The following TTC7B variants were observed in gnomAD, a reference collection of about 807,000 sequenced individuals.
TTC7B encodes the protein tetratricopeptide repeat domain 7B, also known as tetratricopeptide repeat protein 7B.
Under a neutral mutation model 106.8 loss-of-function variants are expected in TTC7B, and 28 were observed. The ratio of observed to expected loss-of-function variants is 0.26; its 90% CI spans 0.19 to 0.36. The LOEUF (loss-of-function observed/expected upper bound fraction) is 0.36. TTC7B is among the 10% of genes least tolerant of loss of function. TTC7B has a pLI of 1.00. For missense variants in TTC7B, 862 were observed against 1,076.4 expected (o/e 0.80, Z 2.79); for synonymous variants, 405 against 430.6 (o/e 0.94, Z 0.74).
chr14:90,715,348 T>A (rs1318127597), intron 5 of TTC7B, among the ~76,000 whole-genome samples: 2 of 152,168 alleles, frequency 1.3e-5, no homozygotes, highest in African/African-American at 4.8e-5. Context: ...TACGTGGATA[T>A]AGGAGAAGAC....
At chr14:90,725,309 C>T (rs1276966709) in intron 5 of TTC7B, among the ~76,000 whole-genome samples, 1 of 152,174 alleles carries the variant, frequency 6.6e-6, no homozygotes, top group Non-Finnish European at 1.5e-5. Flanking sequence ...TGATCACCTC[C>T]CCACAATCAC....
chr14:90,723,759 G>A (rs1332384880), intron 5 of TTC7B, among the ~76,000 whole-genome samples: 2 of 152,128 alleles, frequency 1.3e-5, no homozygotes, highest in African/African-American at 4.8e-5. Flanking sequence ...ATTCCAATTT[G>A]TAATTATATA....
chr14:90,597,834 G>A (rs1053634390), intron 17 of TTC7B, among the ~76,000 whole-genome samples: 2 of 152,102 alleles, frequency 1.3e-5, no homozygotes, highest in African/African-American at 4.8e-5. Context: ...TTCTCACCAC[G>A]GCAAACATGT....
Position 90,536,829 on chromosome 14 carries a change from T to A in TTC7B, c.*4539A>T, listed in dbSNP as rs889982329. Reference sequence around the variant, plus strand: ...CGAGCCCTGGAACCTGTGACTATGTTGCCTTCCATGACAGATGGAGCGATG... The same window carrying A: ...CGAGCCCTGGAACCTGTGACTATGTAGCCTTCCATGACAGATGGAGCGATG... On this transcript the variant is annotated 3_prime_UTR_variant, in exon 20 of 20. Coordinates refer to ENST00000328459, the MANE Select transcript of TTC7B (RefSeq NM_001010854.2). 4.6e-5 allele frequency: 7 copies of A among 152,390 alleles called. No individual in the cohort carries two copies. The highest frequency in any genetic ancestry group is 1.0e-4 in the Non-Finnish European group (7 of 68,150). 9.4% of individuals were successfully genotyped at this position (152,390 alleles called of 1,614,324 possible).
chr14:90,672,299 G>A (rs1886664336), intron 9 of TTC7B, among the ~76,000 whole-genome samples: 1 of 152,170 alleles, frequency 6.6e-6, no homozygotes, highest in Non-Finnish European at 1.5e-5. Flanking sequence ...ATCTAGCAAG[G>A]TTTCTGAGGC....
intron 15 of TTC7B, among the ~76,000 whole-genome samples, chr14:90,629,358 G>T (rs1884590144): frequency 1.3e-5 from 2 of 151,972 alleles, no homozygotes; most frequent in South Asian, 4.1e-4. Context: ...CAGCTGGCTG[G>T]GTAACCAGCA....
At chr14:90,586,333 C>T (rs1451114146) in intron 18 of TTC7B, among the ~76,000 whole-genome samples, 9 of 152,126 alleles carry the variant, frequency 5.9e-5, no homozygotes, top group African/African-American at 1.4e-4. Context: ...TGCAGTGGTG[C>T]GATCTCGGCT....
chr14:90,703,218 C>T (rs983237860), intron 5 of TTC7B, among the ~76,000 whole-genome samples: 3 of 152,190 alleles, frequency 2.0e-5, no homozygotes, highest in Admixed American at 1.3e-4. Flanking sequence ...CAACAATATT[C>T]GTTTTTAATA....
At chr14:90,737,546 G>GTTTTTTTTTTTTTTTTTTTTTTTTT (rs71461922) in intron 4 of TTC7B, among the ~76,000 whole-genome samples, 1 of 91,750 alleles carries the variant, frequency 1.1e-5, no homozygotes. Flanking sequence ...GTATGATTCT[G>GTTTTTTTTTTTTTTTTTTTTTTTTT]TTTTTTTTTT....
At chr14:90,587,787 A>T (rs1011437071) in intron 18 of TTC7B, among the ~76,000 whole-genome samples, 16 of 152,096 alleles carry the variant, frequency 1.1e-4, no homozygotes, top group Admixed American at 9.2e-4. Context: ...TTGACAACTG[A>T]GTGCCTACTG....
intron 5 of TTC7B, among the ~76,000 whole-genome samples, chr14:90,711,687 G>T (rs1323522472): frequency 6.6e-6 from 1 of 152,238 alleles, no homozygotes; most frequent in Non-Finnish European, 1.5e-5. Context: ...CCCCCAAAGT[G>T]CTGGGATTAC....
At chr14:90,694,989 TAACACA>T (rs1221552417) in intron 6 of TTC7B, among the ~76,000 whole-genome samples, 4,992 of 124,734 alleles carry the variant, frequency 0.04, 1,462 homozygotes, top group East Asian at 0.086. Flanking sequence ...CATATATTTA[TAACACA>T]TATGCCACAT....
At position 90,714,179 on chromosome 14, in the gene TTC7B, G is replaced by C. The variant is rs544112198; in HGVS notation, c.698+15896C>G. Among the ~76,000 whole-genome samples the C allele has an allele frequency of 2.0e-3, 296 of 151,438 alleles. 1 individual carries two copies. The highest frequency in any genetic ancestry group is 6.8e-3 in the African/African-American group (281 of 41,236). On this transcript the variant is annotated intron_variant, in intron 5 of 19. Transcript: ENST00000328459. ...CAGGAGGCGGAGTTTGCAGTGAGCC[G>C]AGATCACGTCATCACACTCCAGCCT... is the stretch of plus-strand genomic sequence containing the variant.
In TTC7B at chr14:90,578,668, C is replaced by G. The variant is rs1238941403; in HGVS notation, c.2108-360G>C. On this transcript the variant is annotated intron_variant, in intron 18 of 19. Coordinates refer to ENST00000328459, the MANE Select transcript of TTC7B (RefSeq NM_001010854.2). The surrounding 1 kb of genome is among the most constrained non-coding windows in gnomAD (Gnocchi z 4.7). ...CCGGTCCAACCCTTGGCTCTGACCCCCATAGAAAAAGGGCCAGAATGAACA... is the reference window on the plus strand; with the variant it reads ...CCGGTCCAACCCTTGGCTCTGACCCGCATAGAAAAAGGGCCAGAATGAACA... Among the ~76,000 whole-genome samples, 1 of 151,846 alleles carries G rather than the reference C, an allele frequency of 6.6e-6. No individual in the cohort carries two copies. The highest frequency in any genetic ancestry group is 2.4e-5 in the African/African-American group (1 of 41,302).
intron 18 of TTC7B, among the ~76,000 whole-genome samples, chr14:90,588,008 T>C (rs1271757719): frequency 6.6e-6 from 1 of 152,234 alleles, no homozygotes; most frequent in Non-Finnish European, 1.5e-5. Context: ...GAATAGCATC[T>C]GACACATCTA....
chr14:90,592,112 C>A (rs922513049), intron 18 of TTC7B, among the ~76,000 whole-genome samples: 1 of 152,184 alleles, frequency 6.6e-6, no homozygotes, highest in Non-Finnish European at 1.5e-5. Context: ...TAAATCCAAA[C>A]ATGTTTTCAA....
At chr14:90,568,778 T>C (rs1890901174) in intron 19 of TTC7B, among the ~76,000 whole-genome samples, 1 of 152,046 alleles carries the variant, frequency 6.6e-6, no homozygotes, top group Non-Finnish European at 1.5e-5. Flanking sequence ...TGGGGAGAGG[T>C]GGGCAAGTAA....
intron 19 of TTC7B, among the ~76,000 whole-genome samples, chr14:90,545,249 G>A (rs1889777566): frequency 1.3e-5 from 2 of 152,186 alleles, no homozygotes; most frequent in Non-Finnish European, 2.9e-5. Flanking sequence ...GCTCAGTGGA[G>A]CTCTCTCAAT....
intron 12 of TTC7B, among the ~76,000 whole-genome samples, chr14:90,654,539 T>C (rs543019145): frequency 2.2e-4 from 33 of 152,128 alleles, no homozygotes; most frequent in African/African-American, 7.9e-4. Context: ...ATCTACAAAT[T>C]AAAATGTGCA....
Sources: gnomAD v4.1 joint callset for allele counts (sites outside exome capture counted in the v4.1 genomes callset) on GRCh38, gnomAD v4.1.1 for gene constraint, Gnocchi (gnomAD v3.1) non-coding constraint, MANE v1.5 for transcripts, NCBI Gene and HGNC (gene_info 2026-07-23, HGNC 2026-07-21) for gene names.